Variants in PPP1R12A observed in about 807,000 individuals in gnomAD.
PPP1R12A encodes the protein myosin binding subunit.
A neutral mutation model predicts 139.6 loss-of-function variants in PPP1R12A; 19 were observed. That is an observed-to-expected ratio of 0.14 (90% CI 0.09 to 0.20). The LOEUF is 0.20. Ranked by LOEUF, PPP1R12A falls within the 10% of genes least tolerant of loss-of-function variation. The probability of loss-of-function intolerance (pLI) is 1.00; values close to 1 mark genes in which losing one functional copy is unlikely to be tolerated. For missense variants in PPP1R12A, 925 were observed against 1,211.5 expected, an observed-to-expected ratio of 0.76 and a Z score of 3.51; for synonymous variants, 427 against 420.6, an observed-to-expected ratio of 1.02 and a Z score of -0.19.
intron 20 of PPP1R12A, 49 bp from the exon 21 acceptor site, chr12:79,788,832 T>C (rs1424631709): frequency 2.0e-6 from 3 of 1,479,198 alleles, no homozygotes; most frequent in Admixed American, 4.3e-5. Context: ...GCTTTTACAA[T>C]TATAACAACA....
chr12:79,827,386 C>G (rs773561228), intron 5 of PPP1R12A, among the ~76,000 whole-genome samples: 3 of 151,838 alleles, frequency 2.0e-5, no homozygotes, highest in Non-Finnish European at 4.4e-5. Flanking sequence ...AAGAATTAGC[C>G]CTGTTTTGAA....
At chr12:79,777,604 G>C (rs561369664) in intron 24 of PPP1R12A, 2 of 985,138 alleles carry the variant, frequency 2.0e-6, no homozygotes, top group African/African-American at 3.5e-5. Flanking sequence ...GTCAGCAGTC[G>C]CTCATTTAAC....
rs771702951 is a variant in PPP1R12A, at chr12:79,822,157, T to C, written c.826A>G (p.Ile276Val). 1.0e-5 allele frequency: 16 copies of C among 1,590,688 alleles called. 2 individuals are homozygous for C. Among genetic ancestry groups the C allele is most frequent in the Middle Eastern group, 3.3e-4 (2 of 6,034 alleles). The change falls in exon 6 of 25, where the codon ATT (isoleucine) becomes GTT (valine). Residue 276 changes from isoleucine (I) to valine (V), a missense_variant. Ile to Val is a conservative substitution (Grantham distance 29). This residue lies in a region of PPP1R12A where 403 missense variants were observed against 463.7 expected (regional missense o/e 0.87). Coordinates refer to ENST00000450142, the MANE Select transcript of PPP1R12A (RefSeq NM_002480.3). ...TGCAACTCTTCTAAATATCCTAAAA[T>C]GTCTTCATCTGCTACATCAAAGGCT... ...QTAFDVADED[I>V]LGYLEELQKK... is the part of the protein sequence containing the mutation.
chr12:79,895,416 CT>C (rs756059797), intron 1 of PPP1R12A, among the ~76,000 whole-genome samples: 6 of 152,016 alleles, frequency 3.9e-5, no homozygotes, highest in Admixed American at 6.5e-5. Flanking sequence ...ACAATTCTGC[CT>C]ACTCATGACT....
chr12:79,806,102 C>T (rs1873795364), intron 13 of PPP1R12A, 64 bp downstream of exon 13: 4 of 1,503,312 alleles, frequency 2.7e-6, no homozygotes, highest in Admixed American at 2.2e-5. Flanking sequence ...ATCTTCTAAA[C>T]AAAAACGCAT....
intron 1 of PPP1R12A, among the ~76,000 whole-genome samples, chr12:79,908,686 T>C (rs1025700754): frequency 1.3e-5 from 2 of 152,238 alleles, no homozygotes; most frequent in African/African-American, 2.4e-5. Context: ...TTAAAGAAGT[T>C]AATGGAAATA....
rs201026528 is a variant in PPP1R12A, at chr12:79,820,741, T to C, written c.1114+33A>G. On this transcript the variant is annotated intron_variant, in intron 8 of 24. Transcript: ENST00000450142. Reference sequence around the variant, plus strand: ...TGTCTTATTTTACACTGCCACAAAATTCAACGAAAATGCATTTATCTTTTA... The same window carrying C: ...TGTCTTATTTTACACTGCCACAAAACTCAACGAAAATGCATTTATCTTTTA... The C allele has an allele frequency of 1.6e-5, 26 of 1,600,232 alleles. No individual in the cohort carries two copies. The East Asian group carries it at 5.4e-4, about 33-fold the overall frequency.
rs563829623 is a variant in PPP1R12A at position 79,925,241 on chromosome 12, A to T, written c.237+9454T>A. Among the ~76,000 whole-genome samples the T allele has an allele frequency of 1.1e-4, 17 of 152,152 alleles. No homozygotes were observed. The East Asian group carries it at 3.1e-3, about 28-fold the overall frequency. ...AATTTGGGATGTTTATTACAAGTAA[A>T]GGTTGAGTGCATACGTGTACGTGTG... On this transcript the variant is annotated intron_variant, in intron 1 of 24. Coordinates refer to ENST00000450142, the MANE Select transcript of PPP1R12A (RefSeq NM_002480.3).
chr12:79,776,093 T>C (rs1869684799), intron 24 of PPP1R12A, 78 bp from the exon 25 acceptor site: 1 of 895,300 alleles, frequency 1.1e-6, no homozygotes, highest in East Asian at 2.7e-5. Flanking sequence ...AAATGTTATA[T>C]TTTCACCACA....
At chr12:79,790,779 G>A (rs1332379012) in intron 19 of PPP1R12A, among the ~76,000 whole-genome samples, 1 of 152,142 alleles carries the variant, frequency 6.6e-6, no homozygotes, top group East Asian at 1.9e-4. Flanking sequence ...GATTAATAAG[G>A]TAAAACAGTC....
Position 79,934,989 on chromosome 12 carries a change from G to T in PPP1R12A, c.-58C>A. 1 of 1,513,472 alleles carries T rather than the reference G, an allele frequency of 6.6e-7. No homozygotes were observed. Among genetic ancestry groups the T allele is most frequent in the South Asian group, 1.3e-5 (1 of 78,624 alleles). 93.8% of individuals were successfully genotyped at this position (1,513,472 alleles called of 1,614,324 possible). A position where few individuals can be genotyped will look rare whatever the true frequency, so the allele number is the denominator to read the frequency against. On this transcript the variant is annotated 5_prime_UTR_variant, in exon 1 of 25. Coordinates refer to ENST00000450142, the MANE Select transcript of PPP1R12A (RefSeq NM_002480.3). ...AGGGGGGGAAGGGGGAGGCGGAGAG[G>T]GAAGAGAGGGGAGGCAGGGGGTGTG...
At chr12:79,863,134 G>C (rs1478182983) in intron 2 of PPP1R12A, among the ~76,000 whole-genome samples, 1 of 152,176 alleles carries the variant, frequency 6.6e-6, no homozygotes, top group Admixed American at 6.5e-5. Context: ...AGAAACCCTA[G>C]AAGCCAGAAG....
In PPP1R12A at chr12:79,934,970, G is replaced by A. The variant is rs780599697; in HGVS notation, c.-39C>T. On this transcript the variant is annotated 5_prime_UTR_variant, in exon 1 of 25. Coordinates refer to ENST00000450142, the MANE Select transcript of PPP1R12A (RefSeq NM_002480.3). The stretch of plus-strand genomic sequence containing the variant: ...GCCGGGTCTTCTTATCGCGAGGGGG[G>A]GAAGGGGGAGGCGGAGAGGGAAGAG... 2.5e-5 allele frequency: 38 copies of A among 1,544,060 alleles called. No homozygotes were observed. The highest frequency in any genetic ancestry group is 3.2e-5 in the Non-Finnish European group (36 of 1,142,228).
chr12:79,819,723 C>A (rs1220100436), intron 8 of PPP1R12A, among the ~76,000 whole-genome samples: 1 of 152,084 alleles, frequency 6.6e-6, no homozygotes, highest in Non-Finnish European at 1.5e-5. Context: ...GGGAGAATTG[C>A]TTGAGGACAG....
intron 1 of PPP1R12A, among the ~76,000 whole-genome samples, chr12:79,915,342 T>C (rs7294440): frequency 2.0e-5 from 3 of 152,042 alleles, no homozygotes; most frequent in African/African-American, 7.2e-5. Flanking sequence ...AACTTTGTTA[T>C]ATGAAGCCAT....
intron 23 of PPP1R12A, chr12:79,779,811 A>ACCACC: frequency 6.1e-6 from 1 of 163,968 alleles, no homozygotes; most frequent in East Asian, 1.6e-4. Flanking sequence ...AAGTAAGACA[A>ACCACC]GAAAACTACA....
At chr12:79,914,999 G>A (rs966914370) in intron 1 of PPP1R12A, among the ~76,000 whole-genome samples, 1 of 151,968 alleles carries the variant, frequency 6.6e-6, no homozygotes, top group African/African-American at 2.4e-5. Context: ...TATTTAGGCC[G>A]GTTCCAATGG....
rs187266517 is a variant in PPP1R12A at position 79,817,661 on chromosome 12, A to C, written c.1115-143T>G. The C allele has an allele frequency of 7.0e-4, 484 of 689,476 alleles. 2 individuals carry two copies. The highest frequency in any genetic ancestry group is 3.1e-3 in the Admixed American group (94 of 30,768). 42.7% of individuals were successfully genotyped at this position (689,476 alleles called of 1,614,324 possible). Reference sequence around the variant, plus strand: ...CCACTGTGATTCCTTTTCGCAAGTCAGTTTTTCAGGGAGCTTCTAGACTTG... The same window carrying C: ...CCACTGTGATTCCTTTTCGCAAGTCCGTTTTTCAGGGAGCTTCTAGACTTG... On this transcript the variant is annotated intron_variant, in intron 8 of 24. Transcript: ENST00000450142.
chr12:79,854,494 G>C (rs1565779662), intron 2 of PPP1R12A, among the ~76,000 whole-genome samples: 1 of 152,000 alleles, frequency 6.6e-6, no homozygotes, highest in Non-Finnish European at 1.5e-5. Context: ...CCCTTAATAA[G>C]TTTAATGGTA....
Sources: allele counts gnomAD v4.1 joint callset (sites outside exome capture counted in the v4.1 genomes callset), GRCh38; gene constraint gnomAD v4.1.1; regional missense constraint gnomAD v4.1.1; transcripts MANE v1.5; gene names NCBI Gene and HGNC (gene_info 2026-07-23, HGNC 2026-07-21).